The following TOGARAM2 variants were observed in gnomAD, a reference collection of about 807,000 sequenced individuals.
TOGARAM2 encodes the protein TOG array regulator of axonemal microtubules 2.
In TOGARAM2, 85 loss-of-function variants were observed where a neutral mutation model predicts 93.3. That is an observed-to-expected ratio of 0.91 (90% CI 0.76 to 1.09). TOGARAM2 has a LOEUF of 1.09. Ranked by LOEUF, TOGARAM2 falls within the 50% of genes least tolerant of loss-of-function variation. The pLI is 0.00. For synonymous variants in TOGARAM2, 593 were observed against 552.8 expected, an observed-to-expected ratio of 1.07 and a Z score of -1.02; for missense variants, 1,277 against 1,334.5, an observed-to-expected ratio of 0.96 and a Z score of 0.67.
chr2:29,002,982 G>A (rs1673398252), intron 5 of TOGARAM2, among the ~76,000 whole-genome samples: 2 of 152,192 alleles, frequency 1.3e-5, no homozygotes, highest in South Asian at 4.1e-4. Flanking sequence ...GGGTGGCTGT[G>A]CCAGAGGCTG....
At chr2:28,960,910 C>T (rs766049538) in intron 1 of TOGARAM2, among the ~76,000 whole-genome samples, 3 of 152,152 alleles carry the variant, frequency 2.0e-5, no homozygotes, top group Non-Finnish European at 4.4e-5. Context: ...TCTGAAACAG[C>T]ACAGGTCTTA....
In TOGARAM2 at chr2:29,045,424, G is replaced by GCCCCA. The variant is rs1349472600; in HGVS notation, c.2722+25_2722+29dup. 2.7e-6 allele frequency: 3 copies of GCCCCA among 1,113,588 alleles called. No individual in the cohort carries two copies. Among genetic ancestry groups the GCCCCA allele is most frequent in the Admixed American group, 1.9e-5 (1 of 53,240 alleles). 69.0% of individuals were successfully genotyped at this position (1,113,588 alleles called of 1,614,324 possible). ...ATCGCCTGGCAGGTGAGCACCCCCAGCCCCACCCCACCCCATCTCCTGGCA... is the reference window on the plus strand; with the variant it reads ...ATCGCCTGGCAGGTGAGCACCCCCAGCCCCACCCCACCCCACCCCATCTCCTGGCA... On this transcript the variant is annotated intron_variant, in intron 19 of 19. Transcript: ENST00000379558.
At chr2:29,002,442 C>A in intron 4 of TOGARAM2, 94 bp from the exon 5 acceptor site, 1 of 1,131,676 alleles carries the variant, frequency 8.8e-7, no homozygotes, top group Non-Finnish European at 1.3e-6. Context: ...CCAGTCCTTC[C>A]CAGGGCAGAA....
chr2:28,983,265 C>T (rs1156936100), intron 1 of TOGARAM2, among the ~76,000 whole-genome samples: 3 of 100,178 alleles, frequency 3.0e-5, no homozygotes, highest in African/African-American at 8.2e-5. Flanking sequence ...AGCCTGGTCT[C>T]GAATTCCTGG....
intron 4 of TOGARAM2, among the ~76,000 whole-genome samples, chr2:29,000,608 C>T (rs577187630): frequency 2.0e-5 from 3 of 152,242 alleles, no homozygotes; most frequent in Non-Finnish European, 4.4e-5. Flanking sequence ...AATAAGAAGT[C>T]TTGAGGTCTT....
intron 8 of TOGARAM2, 27 bp from the exon 9 acceptor site, chr2:29,017,127 A>G (rs778723524): frequency 6.2e-7 from 1 of 1,605,970 alleles, no homozygotes; most frequent in South Asian, 1.1e-5. Flanking sequence ...TGGGAGGTTA[A>G]TAGAGTTTGC....
intron 1 of TOGARAM2, among the ~76,000 whole-genome samples, chr2:28,958,751 C>T (rs1671759645): frequency 6.6e-6 from 1 of 152,154 alleles, no homozygotes; most frequent in Non-Finnish European, 1.5e-5. Context: ...GTCCAGGTTA[C>T]TTTCTCTGGT....
chr2:29,035,452 C>T lies in TOGARAM2; in HGVS notation c.2226-12C>T, dbSNP rs1666033013. ...TTCCCTGGGGGGTTCAGACGCCACG[C>T]TCCTTACCTAGGCTCAGCTGCAATG... On this transcript the variant is annotated splice_polypyrimidine_tract_variant and intron_variant, in intron 16 of 19. Coordinates refer to ENST00000379558, the MANE Select transcript of TOGARAM2 (RefSeq NM_199280.4). 1 of 1,365,870 alleles carries T rather than the reference C, an allele frequency of 7.3e-7. No homozygotes were observed. The highest frequency in any genetic ancestry group is 9.5e-7 in the Non-Finnish European group (1 of 1,047,610). 84.6% of individuals were successfully genotyped at this position (1,365,870 alleles called of 1,614,324 possible). A position where few individuals can be genotyped will look rare whatever the true frequency, so the allele number is the denominator to read the frequency against.
intron 10 of TOGARAM2, among the ~76,000 whole-genome samples, chr2:29,021,765 C>T (rs988151319): frequency 1.3e-5 from 2 of 152,178 alleles, no homozygotes; most frequent in African/African-American, 4.8e-5. Context: ...TAGACCGCCA[C>T]CAAAGTGAGT....
intron 6 of TOGARAM2, among the ~76,000 whole-genome samples, chr2:29,003,888 G>A (rs984021129): frequency 2.0e-5 from 3 of 152,216 alleles, no homozygotes; most frequent in Non-Finnish European, 2.9e-5. Flanking sequence ...TCTTGGCTCC[G>A]GCAGGCTGGG....
chr2:29,038,512 G>A (rs1666251824), intron 18 of TOGARAM2, among the ~76,000 whole-genome samples: 1 of 152,176 alleles, frequency 6.6e-6, no homozygotes, highest in Admixed American at 6.5e-5. Context: ...TTTTGCTGTT[G>A]TTACCCAGGC....
In TOGARAM2 at chr2:28,963,405, G is replaced by T. The variant is rs566702247; in HGVS notation, c.-147+6708G>T. Among the ~76,000 whole-genome samples the T allele has an allele frequency of 5.8e-4, 89 of 152,246 alleles. No individual in the cohort carries two copies. The Middle Eastern group carries it at 0.01, about 17-fold the overall frequency. ...TCTTCCGTTTTAGAGATGAGGTCTT[G>T]CTCTGTCAACCCAGGCTAGACTGCA... On this transcript the variant is annotated intron_variant, in intron 1 of 6. Transcript: ENST00000401723.
intron 2 of TOGARAM2, among the ~76,000 whole-genome samples, chr2:28,996,058 G>C (rs535961969): frequency 6.6e-6 from 1 of 152,342 alleles, no homozygotes; most frequent in South Asian, 2.1e-4. Flanking sequence ...AGTAACACAG[G>C]GCTGTGCCTG....
chr2:28,958,887 C>T (rs745653459), intron 1 of TOGARAM2, among the ~76,000 whole-genome samples: 1 of 152,216 alleles, frequency 6.6e-6, no homozygotes, highest in African/African-American at 2.4e-5. Flanking sequence ...TGTCTAAACT[C>T]CCGTGGAGGG....
intron 10 of TOGARAM2, among the ~76,000 whole-genome samples, chr2:29,020,020 G>A (rs1357739619): frequency 6.6e-6 from 1 of 152,182 alleles, no homozygotes; most frequent in East Asian, 1.9e-4. Flanking sequence ...GTCACTGCGA[G>A]AGCACACCCA....
intron 8 of TOGARAM2, among the ~76,000 whole-genome samples, chr2:29,016,261 T>A (rs181573398): frequency 6.6e-6 from 1 of 152,170 alleles, no homozygotes; most frequent in East Asian, 1.9e-4. Context: ...ATGTCCAGAA[T>A]CTGCCCACCC....
chr2:28,990,585 A>T (rs1403706177), intron 1 of TOGARAM2, among the ~76,000 whole-genome samples: 1 of 152,126 alleles, frequency 6.6e-6, no homozygotes, highest in African/African-American at 2.4e-5. Flanking sequence ...CTACCCGTTT[A>T]GACCCCATTT....
intron 10 of TOGARAM2, chr2:29,018,476 A>T: frequency 6.7e-6 from 1 of 148,636 alleles, no homozygotes. Flanking sequence ...ATGTTGCCTC[A>T]TTTTTTTTTT....
intron 1 of TOGARAM2, among the ~76,000 whole-genome samples, chr2:28,970,351 G>A (rs1671930361): frequency 6.6e-6 from 1 of 152,172 alleles, no homozygotes; most frequent in Admixed American, 6.5e-5. Context: ...ACCTCTCTGA[G>A]CCTCAGTTTC....
Sources: allele counts gnomAD v4.1 joint callset (sites outside exome capture counted in the v4.1 genomes callset), GRCh38; gene constraint gnomAD v4.1.1; transcripts MANE v1.5; gene names NCBI Gene and HGNC (gene_info 2026-07-23, HGNC 2026-07-21).